AGPAT5: variants seen among roughly 807,000 people sequenced by gnomAD.
The protein encoded by AGPAT5 is 1-acylglycerol-3-phosphate O-acyltransferase 5, also known as 1-acyl-sn-glycerol-3-phosphate acyltransferase epsilon.
AGPAT5 carries 46 observed loss-of-function variants against 45.6 expected under a neutral mutation model. That is an observed-to-expected ratio of 1.01 (90% confidence interval 0.80 to 1.29). The LOEUF (loss-of-function observed/expected upper bound fraction) is 1.29. Among genes scored for constraint, AGPAT5 ranks in the 50% most tolerant of loss-of-function variants. The pLI, the probability that AGPAT5 is intolerant of heterozygous loss-of-function variation, is 0.00. For synonymous variants in AGPAT5, 272 were observed against 167.0 expected (o/e 1.63, Z -4.85); for missense variants, 673 against 450.7 (o/e 1.49, Z -4.47).
rs532587687 is a variant in AGPAT5 at position 6,725,634 on chromosome 8, G to A, written c.289+695G>A. On this transcript the variant is annotated intron_variant, in intron 2 of 7. Transcript: ENST00000285518. ...GAATCAGGAAATTGTCATTGGGTAA[G>A]GTACTTTTTAATTCTCCAAATAATT... Among the ~76,000 whole-genome samples, 769 of 152,200 alleles carry A rather than the reference G, an allele frequency of 5.1e-3. 16 individuals carry two copies. The highest frequency in any genetic ancestry group is 5.0e-3 in the Non-Finnish European group (338 of 67,990).
At chr8:6,738,966 C>T (rs973121349) in intron 4 of AGPAT5, among the ~76,000 whole-genome samples, 1 of 151,578 alleles carries the variant, frequency 6.6e-6, no homozygotes, top group African/African-American at 2.4e-5. Flanking sequence ...ACATTTAGTT[C>T]TAGGATTTAT....
At chr8:6,746,194 C>G (rs1420396098) in intron 5 of AGPAT5, 1 of 152,374 alleles carries the variant, frequency 6.6e-6, no homozygotes, top group African/African-American at 2.4e-5. Flanking sequence ...GCTCCGTGTT[C>G]TCTTTGTTTC....
chr8:6,731,676 T>A (rs145521466), intron 3 of AGPAT5, among the ~76,000 whole-genome samples: 7 of 152,178 alleles, frequency 4.6e-5, no homozygotes, highest in African/African-American at 1.4e-4. Context: ...ATAGGAAATT[T>A]AAAGGCATAG....
chr8:6,726,749 A>G (rs539299826), intron 2 of AGPAT5, among the ~76,000 whole-genome samples: 4 of 152,184 alleles, frequency 2.6e-5, no homozygotes, highest in Admixed American at 2.0e-4. Flanking sequence ...TTAGAGAACC[A>G]CTTCCCCTTC....
chr8:6,754,953 C>T, intron 6 of AGPAT5, 98 bp from the exon 7 acceptor site: 3 of 981,264 alleles, frequency 3.1e-6, no homozygotes, highest in South Asian at 2.4e-5. Context: ...CTTCATTTTA[C>T]AACTTTTTTT....
At chr8:6,728,358 G>C (rs2980683) in intron 2 of AGPAT5, among the ~76,000 whole-genome samples, 115,626 of 152,278 alleles carry the variant, frequency 0.76, 45,134 homozygotes, top group African/African-American at 0.94. Flanking sequence ...CTATCTGAAA[G>C]GTAGCTGAGA....
At chr8:6,732,148 T>C (rs894686845) in intron 3 of AGPAT5, among the ~76,000 whole-genome samples, 8 of 146,734 alleles carry the variant, frequency 5.5e-5, no homozygotes, top group African/African-American at 1.3e-4. Flanking sequence ...TTTAGCAGGA[T>C]TGATTTTTTA....
intron 7 of AGPAT5, among the ~76,000 whole-genome samples, chr8:6,756,096 C>T (rs910127729): frequency 1.3e-5 from 2 of 152,270 alleles, no homozygotes; most frequent in East Asian, 1.9e-4. Flanking sequence ...GCAATAGAAG[C>T]GCTTTCCCTT....
intron 3 of AGPAT5, among the ~76,000 whole-genome samples, chr8:6,732,313 C>T (rs974850179): frequency 2.0e-5 from 3 of 152,122 alleles, no homozygotes; most frequent in Non-Finnish European, 2.9e-5. Context: ...TTTTAACTGC[C>T]AACAAAACTA....
intron 6 of AGPAT5, among the ~76,000 whole-genome samples, chr8:6,748,945 A>G (rs1053875704): frequency 6.6e-6 from 1 of 152,234 alleles, no homozygotes; most frequent in Non-Finnish European, 1.5e-5. Flanking sequence ...TGGAAATTTT[A>G]TAGAGTAATA....
intron 1 of AGPAT5, 27 bp from the exon 2 acceptor site, chr8:6,724,843 G>C: frequency 1.3e-6 from 1 of 743,528 alleles, no homozygotes. Flanking sequence ...AAATATCAAA[G>C]TAATGTTTTT....
chr8:6,755,441 C>G (rs924014594), intron 7 of AGPAT5, among the ~76,000 whole-genome samples: 24 of 152,272 alleles, frequency 1.6e-4, no homozygotes, highest in Middle Eastern at 3.4e-3. Flanking sequence ...AAATTAAAAA[C>G]AACAACAAAC....
intron 1 of AGPAT5, among the ~76,000 whole-genome samples, chr8:6,710,666 G>T (rs373755571): frequency 1.3e-5 from 2 of 152,060 alleles, no homozygotes; most frequent in Admixed American, 6.6e-5. Flanking sequence ...AATTTATTAG[G>T]GTCTTTTTCT....
In AGPAT5 at chr8:6,720,869, T is replaced by C. The variant is rs568609216; in HGVS notation, c.220-4001T>C. Among the ~76,000 whole-genome samples, 26 of 152,340 alleles carry C rather than the reference T, an allele frequency of 1.7e-4. 1 individual carries two copies. The South Asian group carries it at 2.3e-3, about 13-fold the overall frequency. ...ACAGCCATGTGTCTCATTGATCTCA[T>C]TGAATGCAGTCAGCCAGTTTATTCA... On this transcript the variant is annotated intron_variant, in intron 1 of 7. Coordinates refer to ENST00000285518, the MANE Select transcript of AGPAT5 (RefSeq NM_018361.5).
intron 6 of AGPAT5, among the ~76,000 whole-genome samples, chr8:6,749,206 A>G (rs1384997349): frequency 6.6e-6 from 1 of 152,194 alleles, no homozygotes; most frequent in East Asian, 1.9e-4. Flanking sequence ...CTCAGGTTTT[A>G]AAAGAAAAGC....
intron 2 of AGPAT5, among the ~76,000 whole-genome samples, chr8:6,727,329 AT>A (rs1800721556): frequency 6.6e-6 from 1 of 151,504 alleles, no homozygotes; most frequent in Non-Finnish European, 1.5e-5. Flanking sequence ...TCAGCAGGAT[AT>A]AGTGGCTGTT....
intron 1 of AGPAT5, among the ~76,000 whole-genome samples, chr8:6,723,637 C>G (rs920657639): frequency 1.3e-5 from 2 of 152,168 alleles, no homozygotes; most frequent in Non-Finnish European, 2.9e-5. Flanking sequence ...CTGAACAGAT[C>G]AAGCTATTGG....
At chr8:6,716,987 G>A (rs1165237568) in intron 1 of AGPAT5, among the ~76,000 whole-genome samples, 3 of 152,178 alleles carry the variant, frequency 2.0e-5, no homozygotes, top group African/African-American at 4.8e-5. Context: ...TGCTCTAACA[G>A]GGTACCCAAG....
intron 1 of AGPAT5, among the ~76,000 whole-genome samples, chr8:6,711,262 CCAA>C (rs1253190738): frequency 6.6e-6 from 1 of 152,182 alleles, no homozygotes; most frequent in Admixed American, 6.5e-5. Flanking sequence ...AAACCTGCTT[CCAA>C]CAAATTTAGT....
Sources: gnomAD v4.1 joint callset for allele counts (sites outside exome capture counted in the v4.1 genomes callset) on GRCh38, gnomAD v4.1.1 for gene constraint, MANE v1.5 for transcripts, NCBI Gene and HGNC (gene_info 2026-07-23, HGNC 2026-07-21) for gene names.